The following KHDRBS3 variants were observed in gnomAD, a reference collection of about 807,000 sequenced individuals.
The protein encoded by KHDRBS3 is KH RNA binding domain containing, signal transduction associated 3, also known as KH domain-containing, RNA-binding, signal transduction-associated protein 3.
In KHDRBS3, 23 loss-of-function variants were observed where a neutral mutation model predicts 45.6. The observed-to-expected ratio is 0.50, with a 90% CI of 0.36 to 0.72. KHDRBS3 has a LOEUF of 0.72. Ranked by LOEUF, KHDRBS3 falls within the 30% of genes least tolerant of loss-of-function variation. The pLI, the probability that KHDRBS3 is intolerant of heterozygous loss-of-function variation, is 0.00. For missense variants in KHDRBS3, 352 were observed against 424.8 expected (o/e 0.83, Z 1.51); for synonymous variants, 162 against 156.5 (o/e 1.04, Z -0.26).
At chr8:135,585,369 G>A (rs1258890585) in intron 6 of KHDRBS3, among the ~76,000 whole-genome samples, 4 of 152,120 alleles carry the variant, frequency 2.6e-5, no homozygotes, top group Non-Finnish European at 4.4e-5. Context: ...CATCAAATGG[G>A]AAAGTTGGCC....
chr8:135,458,150 T>G, intron 1 of KHDRBS3, 196 bp downstream of exon 1: 1 of 1,349,018 alleles, frequency 7.4e-7, no homozygotes, highest in Non-Finnish European at 9.5e-7. Context: ...ATGTGAATTT[T>G]GGGGACTTGG....
In KHDRBS3 at chr8:135,585,874, C is replaced by G. The variant is rs185122105; in HGVS notation, c.807+3801C>G. ...TATACAGAGACTTGATAACATTGTT[C>G]AGATGAAGATTACCATTGATTTTTT... is the stretch of plus-strand genomic sequence containing the variant. On this transcript the variant is annotated intron_variant, in intron 6 of 8. Coordinates refer to ENST00000355849, the MANE Select transcript of KHDRBS3 (RefSeq NM_006558.3). Among the ~76,000 whole-genome samples the G allele has an allele frequency of 1.2e-3, 189 of 152,242 alleles. 1 individual carries two copies. The highest frequency in any genetic ancestry group is 4.3e-3 in the African/African-American group (180 of 41,538).
At chr8:135,590,478 C>T (rs146896247) in intron 6 of KHDRBS3, among the ~76,000 whole-genome samples, 2 of 152,264 alleles carry the variant, frequency 1.3e-5, no homozygotes, top group African/African-American at 2.4e-5. Context: ...GTCTAAATGA[C>T]GTTCTTAACC....
At chr8:135,568,389 T>C (rs551741674) in intron 5 of KHDRBS3, among the ~76,000 whole-genome samples, 9 of 152,062 alleles carry the variant, frequency 5.9e-5, no homozygotes, top group Non-Finnish European at 1.5e-5. Flanking sequence ...TCATGTACCC[T>C]CCTTTCCCCT....
chr8:135,609,754 C>T (rs1455737078), intron 7 of KHDRBS3, among the ~76,000 whole-genome samples: 5 of 151,832 alleles, frequency 3.3e-5, no homozygotes, highest in South Asian at 2.1e-4. Flanking sequence ...TTGACTGAGA[C>T]GTCGTTATGC....
At chr8:135,489,293 G>T (rs1483783483) in intron 1 of KHDRBS3, among the ~76,000 whole-genome samples, 3 of 152,120 alleles carry the variant, frequency 2.0e-5, no homozygotes. Context: ...CATGGTGCTG[G>T]ACAGATAATG....
intron 1 of KHDRBS3, among the ~76,000 whole-genome samples, chr8:135,462,852 G>A (rs1688057674): frequency 1.3e-5 from 2 of 152,072 alleles, no homozygotes; most frequent in South Asian, 4.2e-4. Context: ...GAGTCTAAAG[G>A]GCTAAGTTAC....
chr8:135,487,579 T>C (rs149555968), intron 1 of KHDRBS3, among the ~76,000 whole-genome samples: 80 of 152,316 alleles, frequency 5.3e-4, no homozygotes, highest in African/African-American at 1.8e-3. Context: ...GGGAGAGCCC[T>C]TGGAGAACAC....
intron 6 of KHDRBS3, among the ~76,000 whole-genome samples, chr8:135,596,019 T>TA (rs780227452): frequency 2.6e-4 from 40 of 152,060 alleles, no homozygotes; most frequent in South Asian, 6.3e-4. Flanking sequence ...CTAAAATGGT[T>TA]AAAAAAATAA....
At chr8:135,567,734 C>G (rs1425449523) in intron 5 of KHDRBS3, among the ~76,000 whole-genome samples, 1 of 152,172 alleles carries the variant, frequency 6.6e-6, no homozygotes, top group Admixed American at 6.5e-5. Flanking sequence ...TACCACCACC[C>G]CAACACCACA....
chr8:135,597,044 G>A (rs193274620), intron 6 of KHDRBS3, among the ~76,000 whole-genome samples: 1 of 152,272 alleles, frequency 6.6e-6, no homozygotes, highest in Non-Finnish European at 1.5e-5. Flanking sequence ...ATAATTAGAT[G>A]TAATTAGATA....
chr8:135,635,387 T>C (rs979964274), intron 7 of KHDRBS3, among the ~76,000 whole-genome samples: 1 of 152,142 alleles, frequency 6.6e-6, no homozygotes, highest in Admixed American at 6.5e-5. Context: ...GTTTGTTTGT[T>C]TGTTTGTTTG....
At chr8:135,538,791 A>G (rs1825903100) in intron 2 of KHDRBS3, 1 of 152,204 alleles carries the variant, frequency 6.6e-6, no homozygotes, top group Admixed American at 6.5e-5. Flanking sequence ...AAAGAAGACA[A>G]CTATGCCGCT....
chr8:135,544,530 A>T (rs1826194489), intron 3 of KHDRBS3, among the ~76,000 whole-genome samples: 1 of 152,052 alleles, frequency 6.6e-6, no homozygotes, highest in South Asian at 2.1e-4. Flanking sequence ...ATCCTTTTTG[A>T]GGGGAGTCGG....
intron 5 of KHDRBS3, among the ~76,000 whole-genome samples, chr8:135,570,523 G>T (rs1289306004): frequency 6.6e-6 from 1 of 152,036 alleles, no homozygotes; most frequent in Non-Finnish European, 1.5e-5. Flanking sequence ...TTAAGGAAAG[G>T]GTAGATATAG....
chr8:135,598,833 T>C (rs1829085117), intron 6 of KHDRBS3, among the ~76,000 whole-genome samples: 1 of 152,248 alleles, frequency 6.6e-6, no homozygotes, highest in South Asian at 2.1e-4. Flanking sequence ...GCGTTTTATA[T>C]GAAAACTTTT....
chr8:135,472,225 T>G (rs561843508), intron 1 of KHDRBS3, among the ~76,000 whole-genome samples: 1 of 152,336 alleles, frequency 6.6e-6, no homozygotes, highest in South Asian at 2.1e-4. Context: ...TAGCCTTGGC[T>G]CTGGTACTCA....
chr8:135,554,601 A>C (rs976701592), intron 4 of KHDRBS3, among the ~76,000 whole-genome samples: 2 of 152,144 alleles, frequency 1.3e-5, no homozygotes, highest in Admixed American at 6.5e-5. Flanking sequence ...TTTACAATAA[A>C]ATATTGACTC....
chr8:135,481,085 A>T (rs1420817623), intron 1 of KHDRBS3, among the ~76,000 whole-genome samples: 3 of 151,930 alleles, frequency 2.0e-5, no homozygotes, highest in Non-Finnish European at 4.4e-5. Context: ...TTCATTAGTT[A>T]TCAGATTAGA....
Sources: allele counts gnomAD v4.1 joint callset (sites outside exome capture counted in the v4.1 genomes callset), GRCh38; gene constraint gnomAD v4.1.1; transcripts MANE v1.5; gene names NCBI Gene and HGNC (gene_info 2026-07-23, HGNC 2026-07-21).